Variants in KCNJ3 observed in about 807,000 individuals in gnomAD.
KCNJ3 encodes G protein-activated inward rectifier potassium channel 1.
KCNJ3 carries 4 observed loss-of-function variants against 39.2 expected under a neutral mutation model. That is an observed-to-expected ratio of 0.10 (90% confidence interval 0.05 to 0.23). KCNJ3 has a LOEUF of 0.23. KCNJ3 is among the 10% of genes least tolerant of loss of function. The pLI is 1.00. For synonymous variants in KCNJ3, 230 were observed against 237.4 expected (o/e 0.97, Z 0.29); for missense variants, 276 against 634.9 (o/e 0.43, Z 6.08).
intron 2 of KCNJ3, among the ~76,000 whole-genome samples, chr2:154,848,214 AG>A (rs1349729721): frequency 6.6e-6 from 1 of 152,152 alleles, no homozygotes; most frequent in Non-Finnish European, 1.5e-5. Context: ...TTATTTGTTA[AG>A]AGCTTAGGTT....
intron 2 of KCNJ3, among the ~76,000 whole-genome samples, chr2:154,809,416 A>G (rs1041800286): frequency 6.6e-6 from 1 of 152,190 alleles, no homozygotes; most frequent in African/African-American, 2.4e-5. Flanking sequence ...GAAAATGAGT[A>G]GGCTGGGTAG....
intron 2 of KCNJ3, among the ~76,000 whole-genome samples, chr2:154,794,899 T>A (rs1458226234): frequency 6.6e-6 from 1 of 151,980 alleles, no homozygotes; most frequent in Non-Finnish European, 1.5e-5. Flanking sequence ...AGCCTACTAC[T>A]CGTGTTAACA....
chr2:154,769,767 G>A (rs1408458525), intron 2 of KCNJ3, among the ~76,000 whole-genome samples: 1 of 152,012 alleles, frequency 6.6e-6, no homozygotes, highest in Non-Finnish European at 1.5e-5. Flanking sequence ...AATGGTACCA[G>A]GTCCTCTTTG....
At chr2:154,803,426 C>T (rs1374063431) in intron 2 of KCNJ3, among the ~76,000 whole-genome samples, 2 of 151,790 alleles carry the variant, frequency 1.3e-5, no homozygotes, top group Middle Eastern at 3.4e-3. Context: ...TAAAATAGTT[C>T]ACACGCACTA....
chr2:154,711,641 T>C (rs191212546), intron 2 of KCNJ3, among the ~76,000 whole-genome samples: 2 of 152,254 alleles, frequency 1.3e-5, no homozygotes, highest in Admixed American at 1.3e-4. Context: ...CTTGAAAAAT[T>C]AGGCCGGGTA....
At chr2:154,742,583 G>A (rs1685671305) in intron 2 of KCNJ3, among the ~76,000 whole-genome samples, 1 of 151,740 alleles carries the variant, frequency 6.6e-6, no homozygotes, top group Non-Finnish European at 1.5e-5. Flanking sequence ...ATCTGAGGTG[G>A]TATGTCATTA....
chr2:154,783,756 A>C (rs544959530), intron 2 of KCNJ3, among the ~76,000 whole-genome samples: 1 of 152,246 alleles, frequency 6.6e-6, no homozygotes, highest in Admixed American at 6.5e-5. Flanking sequence ...CTCCTTAACT[A>C]CAAGAGATGG....
intron 2 of KCNJ3, among the ~76,000 whole-genome samples, chr2:154,713,501 T>G (rs1187401955): frequency 6.6e-6 from 1 of 152,164 alleles, no homozygotes; most frequent in Non-Finnish European, 1.5e-5. Context: ...GGGAGGGAAG[T>G]GAGAAATTAG....
At chr2:154,776,670 C>T (rs974229719) in intron 2 of KCNJ3, among the ~76,000 whole-genome samples, 1 of 151,752 alleles carries the variant, frequency 6.6e-6, no homozygotes, top group African/African-American at 2.4e-5. Flanking sequence ...TGAAAATATT[C>T]ATATGATTAT....
intron 2 of KCNJ3, among the ~76,000 whole-genome samples, chr2:154,818,918 C>CTTTTTTTTTTTTTTTTTTTGTT (rs1687123902): frequency 1.9e-5 from 1 of 52,430 alleles, no homozygotes; most frequent in Non-Finnish European, 3.1e-5. Flanking sequence ...CTGCAAAAGC[C>CTTTTTTTTTTTTTTTTTTTGTT]TTTTTTTTTT....
intron 2 of KCNJ3, among the ~76,000 whole-genome samples, chr2:154,795,326 T>C (rs1417115700): frequency 6.6e-6 from 1 of 152,024 alleles, no homozygotes; most frequent in Non-Finnish European, 1.5e-5. Context: ...CTAGATTACA[T>C]TTAGATTTTT....
chr2:154,797,842 A>G (rs1358759756), intron 2 of KCNJ3, among the ~76,000 whole-genome samples: 1 of 152,160 alleles, frequency 6.6e-6, no homozygotes, highest in Non-Finnish European at 1.5e-5. Context: ...CATTATTATC[A>G]TAAAAGTACT....
intron 2 of KCNJ3, among the ~76,000 whole-genome samples, chr2:154,803,936 AG>A (rs1686865653): frequency 6.6e-6 from 1 of 152,106 alleles, no homozygotes; most frequent in Admixed American, 6.6e-5. Flanking sequence ...AAAAGAGCAA[AG>A]GAAAGTTACA....
intron 1 of KCNJ3, among the ~76,000 whole-genome samples, chr2:154,701,106 T>A (rs1188446676): frequency 6.6e-6 from 1 of 152,182 alleles, no homozygotes; most frequent in Non-Finnish European, 1.5e-5. Context: ...TAGATATGTT[T>A]ATTACAATAG....
At chr2:154,803,673 A>G (rs1686860603) in intron 2 of KCNJ3, among the ~76,000 whole-genome samples, 1 of 151,998 alleles carries the variant, frequency 6.6e-6, no homozygotes, top group Admixed American at 6.6e-5. Context: ...GTATGTTGAC[A>G]TTTATTTTTT....
intron 2 of KCNJ3, among the ~76,000 whole-genome samples, chr2:154,840,753 A>T (rs1244197498): frequency 2.0e-5 from 3 of 152,094 alleles, no homozygotes; most frequent in Admixed American, 6.6e-5. Context: ...TAGTGTATAG[A>T]AATGCTTGTG....
intron 2 of KCNJ3, among the ~76,000 whole-genome samples, chr2:154,836,015 A>G (rs1687452785): frequency 6.6e-6 from 1 of 152,104 alleles, no homozygotes; most frequent in Non-Finnish European, 1.5e-5. Context: ...GTTTGAGACC[A>G]GCCTGGCCAA....
chr2:154,736,374 T>TAAAAAAAAAA (rs70983745), intron 2 of KCNJ3, among the ~76,000 whole-genome samples: 7 of 93,240 alleles, frequency 7.5e-5, no homozygotes, highest in Non-Finnish European at 1.1e-4. Flanking sequence ...TCACTAGTTC[T>TAAAAAAAAAA]AAAAAAAAAA....
intron 2 of KCNJ3, among the ~76,000 whole-genome samples, chr2:154,727,591 CAAAAAAA>C (rs546038652): frequency 3.3e-5 from 3 of 91,368 alleles, no homozygotes; most frequent in African/African-American, 1.1e-4. Flanking sequence ...GAAACTCCGT[CAAAAAAA>C]AAAAAAAAAA....
Sources: gnomAD v4.1 joint callset for allele counts (sites outside exome capture counted in the v4.1 genomes callset) on GRCh38, gnomAD v4.1.1 for gene constraint, MANE v1.5 for transcripts, NCBI Gene and HGNC (gene_info 2026-07-23, HGNC 2026-07-21) for gene names.